The following WWP2 variants were observed in gnomAD, a reference collection of about 807,000 sequenced individuals.
The protein encoded by WWP2 is WW domain containing E3 ubiquitin protein ligase 2.
In WWP2, 57 loss-of-function variants were observed where a neutral mutation model predicts 121.0. The observed-to-expected ratio is 0.47, with a 90% CI of 0.38 to 0.59. The LOEUF (loss-of-function observed/expected upper bound fraction) is 0.59. Ranked by LOEUF, WWP2 falls within the 20% of genes least tolerant of loss-of-function variation. The pLI is 0.00. For synonymous variants in WWP2, 449 were observed against 441.3 expected, an observed-to-expected ratio of 1.02 and a Z score of -0.22; for missense variants, 962 against 1,158.9, an observed-to-expected ratio of 0.83 and a Z score of 2.47.
intron 9 of WWP2, among the ~76,000 whole-genome samples, chr16:69,912,270 C>T (rs1001681699): frequency 8.0e-5 from 12 of 149,830 alleles, no homozygotes; most frequent in African/African-American, 2.5e-4. Context: ...CTAGCCTGGA[C>T]GACAGAGCGA....
rs751516740 is a variant in WWP2, at chr16:69,798,844, CT to C, written c.218+17del. 6.2e-7 allele frequency: 1 copy of C among 1,612,496 alleles called. No homozygotes were observed. The highest frequency in any genetic ancestry group is 8.5e-7 in the Non-Finnish European group (1 of 1,179,468). ...ATCATCATTTTGTAAGAGAAAGCCC[CT>C]TCTTTTTGAACGCAGCAAGATGGGG... On this transcript the variant is annotated intron_variant, in intron 3 of 23. Transcript: ENST00000359154.
At position 69,871,951 on chromosome 16, in the gene WWP2, G is replaced by A. The variant is rs776558787; in HGVS notation, c.703+20G>A. Reference sequence around the variant, plus strand: ...GCACAGGTGAGTGATGGCACCGCACGCCAGCCTGCACTGAAGCTGTGGGCT... The same window carrying A: ...GCACAGGTGAGTGATGGCACCGCACACCAGCCTGCACTGAAGCTGTGGGCT... On this transcript the variant is annotated intron_variant, in intron 7 of 23. Coordinates refer to ENST00000359154, the MANE Select transcript of WWP2 (RefSeq NM_001270454.2). 2.5e-6 allele frequency: 4 copies of A among 1,606,996 alleles called. No individual in the cohort carries two copies. The highest frequency in any genetic ancestry group is 2.7e-5 in the African/African-American group (2 of 74,788).
intron 8 of WWP2, among the ~76,000 whole-genome samples, chr16:69,904,381 T>C (rs565796100): frequency 4.0e-5 from 6 of 151,698 alleles, no homozygotes; most frequent in South Asian, 2.1e-4. Flanking sequence ...CATTTTCTTT[T>C]TTTTTTTTTT....
Position 69,935,734 on chromosome 16 carries a change from G to C in WWP2, c.1843-119G>C. 1 of 1,450,240 alleles carries C rather than the reference G, an allele frequency of 6.9e-7. No individual in the cohort carries two copies. The highest frequency in any genetic ancestry group is 2.3e-5 in the East Asian group (1 of 43,738). 89.8% of individuals were successfully genotyped at this position (1,450,240 alleles called of 1,614,324 possible). On this transcript the variant is annotated intron_variant, in intron 17 of 23. Transcript: ENST00000359154. The surrounding 1 kb of genome is among the most constrained non-coding windows in gnomAD (Gnocchi z 5.2). The stretch of plus-strand genomic sequence containing the variant: ...TGCGTCCGAGGCAGCTGCTGCTGTA[G>C]TTCTGTCAGGGAAGGAAGGCGGGTA...
At chr16:69,785,934 T>G (rs117395474) in intron 1 of WWP2, 2 of 151,948 alleles carry the variant, frequency 1.3e-5, no homozygotes, top group Non-Finnish European at 2.9e-5. Flanking sequence ...AGCCTACCCA[T>G]TTAAATAATT....
At chr16:69,838,903 A>G (rs1473210129) in intron 4 of WWP2, 5 of 982,370 alleles carry the variant, frequency 5.1e-6, no homozygotes, top group South Asian at 4.7e-5. Context: ...ACTGGTTTCT[A>G]TCTTATTATA....
chr16:69,927,859 G>A (rs747380914), intron 11 of WWP2, among the ~76,000 whole-genome samples: 5 of 151,980 alleles, frequency 3.3e-5, no homozygotes, highest in African/African-American at 4.8e-5. Context: ...ATGAAGTCTC[G>A]CTGTGTTGCC....
rs1428158096 is a variant in WWP2 at position 69,935,682 on chromosome 16, C to T, written c.1843-171C>T. On this transcript the variant is annotated intron_variant, in intron 17 of 23. Transcript: ENST00000359154. The surrounding 1 kb of genome is among the most constrained non-coding windows in gnomAD (Gnocchi z 5.2). ...CTGTAGGTACAAGTCAGGATAAAGG[C>T]GTTGTTTACTCCTGAGGCCCTCCCG... 3.9e-5 allele frequency among the ~76,000 whole-genome samples: 6 copies of T among 152,184 alleles called. No homozygotes were observed. Among genetic ancestry groups the T allele is most frequent in the Non-Finnish European group, 7.3e-5 (5 of 68,046 alleles).
At chr16:69,863,566 T>A (rs7200258) in intron 6 of WWP2, among the ~76,000 whole-genome samples, 10 of 152,050 alleles carry the variant, frequency 6.6e-5, no homozygotes, top group South Asian at 6.2e-4. Flanking sequence ...TTGAACCTGG[T>A]GGGGGCAGAG....
intron 9 of WWP2, among the ~76,000 whole-genome samples, chr16:69,915,004 G>A (rs2151969876): frequency 6.6e-6 from 1 of 152,314 alleles, no homozygotes; most frequent in African/African-American, 2.4e-5. Flanking sequence ...AATCTCCCAG[G>A]AGGAGGAGAA....
intron 8 of WWP2, among the ~76,000 whole-genome samples, chr16:69,897,252 C>A (rs1346918464): frequency 2.0e-5 from 3 of 152,030 alleles, no homozygotes; most frequent in African/African-American, 7.2e-5. Context: ...ACAGGCACAT[C>A]CTACCATGCC....
intron 4 of WWP2, among the ~76,000 whole-genome samples, chr16:69,837,391 G>A (rs573785725): frequency 2.6e-5 from 4 of 152,338 alleles, no homozygotes; most frequent in East Asian, 1.9e-4. Context: ...AAGACAAAAT[G>A]TGTCTCAAGG....
chr16:69,933,172 C>G (rs924615682), intron 16 of WWP2: 1 of 493,314 alleles, frequency 2.0e-6, no homozygotes, highest in Non-Finnish European at 4.2e-6. Flanking sequence ...GACAGGATAC[C>G]GGGGCACCCT....
At position 69,786,991 on chromosome 16, in the gene WWP2, T is replaced by TA; in HGVS notation, c.-15-4dup. On this transcript the variant is annotated splice_region_variant and splice_polypyrimidine_tract_variant and intron_variant, in intron 1 of 23. Coordinates refer to ENST00000359154, the MANE Select transcript of WWP2 (RefSeq NM_001270454.2). ...TCTGAATTCTTTTTTCTGTTTGTCTTACAGCTTCACGGTGATGATATGGCA... is the reference window on the plus strand; with the variant it reads ...TCTGAATTCTTTTTTCTGTTTGTCTTAACAGCTTCACGGTGATGATATGGCA... The TA allele has an allele frequency of 6.2e-7, 1 of 1,602,714 alleles. No homozygotes were observed. The highest frequency in any genetic ancestry group is 1.3e-5 in the African/African-American group (1 of 74,594).
intron 6 of WWP2, among the ~76,000 whole-genome samples, chr16:69,869,231 G>A (rs937668260): frequency 6.6e-6 from 1 of 152,008 alleles, no homozygotes; most frequent in South Asian, 2.1e-4. Context: ...AAAAGTTAAG[G>A]TGGAAAAAGA....
Position 69,925,176 on chromosome 16 carries a change from C to G in WWP2, c.1180-254C>G. 1 of 1,289,458 alleles carries G rather than the reference C, an allele frequency of 7.8e-7. No individual in the cohort carries two copies. Among genetic ancestry groups the G allele is most frequent in the Non-Finnish European group, 9.9e-7 (1 of 1,015,046 alleles). The allele number at this position is 1,289,458 out of a possible 1,614,324, so 79.9% of individuals were successfully genotyped here. A position where few individuals can be genotyped will look rare whatever the true frequency, so the allele number is the denominator to read the frequency against. On this transcript the variant is annotated intron_variant, in intron 10 of 23. Coordinates refer to ENST00000359154, the MANE Select transcript of WWP2 (RefSeq NM_001270454.2). This position sits in a 1 kb window ranked among gnomAD's most constrained non-coding sequence, Gnocchi z 4.0. ...CTTCACCCGCGTACCGCCTCCTCCC[C>G]GTCGCTCTGCCTTTTCCAAAACTCA...
At chr16:69,870,547 C>T (rs895184757) in intron 6 of WWP2, among the ~76,000 whole-genome samples, 15 of 152,278 alleles carry the variant, frequency 9.9e-5, no homozygotes, top group South Asian at 4.1e-4. Context: ...GTGATCCTCC[C>T]GCCTTGGCCT....
intron 7 of WWP2, among the ~76,000 whole-genome samples, chr16:69,885,809 T>G (rs2057912849): frequency 6.6e-6 from 1 of 152,224 alleles, no homozygotes. Flanking sequence ...GTGTGAGGCC[T>G]AAATGAGATA....
intron 8 of WWP2, among the ~76,000 whole-genome samples, chr16:69,889,031 G>A (rs1413093125): frequency 6.6e-6 from 1 of 152,200 alleles, no homozygotes; most frequent in Non-Finnish European, 1.5e-5. Context: ...AGTTCAGTCA[G>A]ATGGCGTGGT....
Sources: allele counts gnomAD v4.1 joint callset (sites outside exome capture counted in the v4.1 genomes callset), GRCh38; gene constraint gnomAD v4.1.1; non-coding constraint Gnocchi (gnomAD v3.1); transcripts MANE v1.5; gene names NCBI Gene and HGNC (gene_info 2026-07-23, HGNC 2026-07-21).